Variants in EXD3 observed in about 807,000 individuals in gnomAD.
EXD3 encodes the protein exonuclease mut-7 homolog.
A neutral mutation model predicts 98.0 loss-of-function variants in EXD3; 92 were observed. The ratio of observed to expected loss-of-function variants is 0.94; its 90% CI spans 0.79 to 1.12. The LOEUF (loss-of-function observed/expected upper bound fraction) is 1.12, where lower values mean the gene tolerates loss of function less well. Among genes scored for constraint, EXD3 ranks in the 50% most tolerant of loss-of-function variants. EXD3 has a pLI of 0.00. For missense variants in EXD3, 1,222 were observed against 1,191.6 expected (o/e 1.03, Z -0.38); for synonymous variants, 569 against 526.0 (o/e 1.08, Z -1.12).
chr9:137,414,845 G>C (rs1187013088), intron 1 of EXD3, among the ~76,000 whole-genome samples: 1 of 152,052 alleles, frequency 6.6e-6, no homozygotes, highest in East Asian at 1.9e-4. Flanking sequence ...TAGGTCGCAG[G>C]GTTTCTTTGT....
At chr9:137,412,720 TCA>T (rs1838058281) in intron 1 of EXD3, among the ~76,000 whole-genome samples, 1 of 152,236 alleles carries the variant, frequency 6.6e-6, no homozygotes, top group African/African-American at 2.4e-5. Flanking sequence ...CAGCCTTGAC[TCA>T]CACACTGTGT....
chr9:137,365,496 A>ACAC (rs1434524492), intron 7 of EXD3: 1 of 156,348 alleles, frequency 6.4e-6, no homozygotes, highest in Non-Finnish European at 1.4e-5. Flanking sequence ...TCTCACACAC[A>ACAC]CACACATGCA....
intron 3 of EXD3, among the ~76,000 whole-genome samples, chr9:137,379,973 C>T (rs1250236867): frequency 6.6e-6 from 1 of 152,038 alleles, no homozygotes; most frequent in Non-Finnish European, 1.5e-5. Context: ...GCCCACTGCA[C>T]CCCTGCCAGC....
At chr9:137,310,168 G>A (rs1831286028) in intron 19 of EXD3, among the ~76,000 whole-genome samples, 1 of 152,234 alleles carries the variant, frequency 6.6e-6, no homozygotes, top group Non-Finnish European at 1.5e-5. Context: ...GGCAGGTGTG[G>A]CCCTGAAAGT....
intron 17 of EXD3, among the ~76,000 whole-genome samples, chr9:137,339,891 T>C (rs952237581): frequency 1.3e-5 from 2 of 151,920 alleles, no homozygotes; most frequent in African/African-American, 4.8e-5. Flanking sequence ...TCTTGACTAA[T>C]GAAATAAGAT....
Position 137,366,443 on chromosome 9 carries a change from G to A in EXD3, c.656+50C>T, listed in dbSNP as rs576668799. The A allele has an allele frequency of 7.8e-6, 12 of 1,531,372 alleles. No homozygotes were observed. In the Admixed American group the frequency reaches 1.8e-4, roughly 23 times the overall value. The allele number at this position is 1,531,372 out of a possible 1,614,324, so 94.9% of individuals were successfully genotyped here. A position where few individuals can be genotyped will look rare whatever the true frequency, so the allele number is the denominator to read the frequency against. On this transcript the variant is annotated intron_variant, in intron 7 of 21. Coordinates refer to ENST00000340951, the MANE Select transcript of EXD3 (RefSeq NM_017820.5). ...CCCTACACTCCCTTCCCTAACCAGGGCTCCCAGGATGCCATCTGGTGCCAG... is the reference window on the plus strand; with the variant it reads ...CCCTACACTCCCTTCCCTAACCAGGACTCCCAGGATGCCATCTGGTGCCAG...
At chr9:137,328,670 G>A (rs1832668159) in intron 17 of EXD3, among the ~76,000 whole-genome samples, 2 of 93,898 alleles carry the variant, frequency 2.1e-5, no homozygotes, top group African/African-American at 1.1e-4. Context: ...GACTACACGG[G>A]ACTACACGGG....
Position 137,407,388 on chromosome 9 carries a change from T to G in EXD3, c.-47-11984A>C, listed in dbSNP as rs879455583. Among the ~76,000 whole-genome samples, 38 of 152,330 alleles carry G rather than the reference T, an allele frequency of 2.5e-4. No homozygotes were observed. Among genetic ancestry groups the G allele is most frequent in the Middle Eastern group, 3.4e-3 (1 of 294 alleles). On this transcript the variant is annotated intron_variant, in intron 1 of 21. Coordinates refer to ENST00000340951, the MANE Select transcript of EXD3 (RefSeq NM_017820.5). This position sits in a 1 kb window ranked among gnomAD's most constrained non-coding sequence, Gnocchi z 4.4. Reference sequence around the variant, plus strand: ...TGCTCCCCCGCGAAGCCCACCCACCTGAGGTCCTGGCCCCCAAGGGGCCAT... The same window carrying G: ...TGCTCCCCCGCGAAGCCCACCCACCGGAGGTCCTGGCCCCCAAGGGGCCAT...
intron 7 of EXD3, among the ~76,000 whole-genome samples, chr9:137,359,520 AGAGT>A (rs200969115): frequency 0.12 from 9,600 of 82,638 alleles, 3,876 homozygotes; most frequent in East Asian, 0.76. Flanking sequence ...CCTGGGTAAC[AGAGT>A]GAGACCCTGT....
At chr9:137,374,120 T>C (rs1835779323) in intron 3 of EXD3, among the ~76,000 whole-genome samples, 1 of 152,262 alleles carries the variant, frequency 6.6e-6, no homozygotes, top group Non-Finnish European at 1.5e-5. Flanking sequence ...TACAGCAAGT[T>C]GGCCCTCGCT....
chr9:137,355,709 G>GGAAGT (rs1564509278), intron 8 of EXD3, among the ~76,000 whole-genome samples: 1 of 145,570 alleles, frequency 6.9e-6, no homozygotes, highest in African/African-American at 2.6e-5. Flanking sequence ...AAGGAGGAAG[G>GGAAGT]AGGAAGGAGG....
intron 1 of EXD3, among the ~76,000 whole-genome samples, chr9:137,419,988 T>C (rs1400666422): frequency 2.6e-5 from 4 of 151,896 alleles, no homozygotes; most frequent in African/African-American, 7.3e-5. Context: ...TGAAACCCCA[T>C]CTCTACTAAA....
chr9:137,354,823 C>A (rs533467798), intron 8 of EXD3, 50 bp from the exon 9 acceptor site: 1 of 1,559,066 alleles, frequency 6.4e-7, no homozygotes, highest in Non-Finnish European at 8.7e-7. Flanking sequence ...AGCCTCACCA[C>A]GGCCTCCTTC....
At chr9:137,392,920 G>A (rs1480181202) in intron 2 of EXD3, 3 of 560,476 alleles carry the variant, frequency 5.4e-6, no homozygotes, top group Admixed American at 2.8e-5. Context: ...TCTGGCGGGG[G>A]GCCGTATCTG....
intron 5 of EXD3, among the ~76,000 whole-genome samples, chr9:137,370,067 T>C (rs1210696821): frequency 2.6e-5 from 4 of 152,042 alleles, no homozygotes; most frequent in Admixed American, 2.0e-4. Context: ...AGCTCCACCC[T>C]GGTAAGGGCA....
chr9:137,422,131 A>C (rs74650313), intron 1 of EXD3, among the ~76,000 whole-genome samples: 2 of 150,962 alleles, frequency 1.3e-5, no homozygotes, highest in Non-Finnish European at 2.9e-5. Context: ...AAAAAAAAAA[A>C]AAACTCCCTG....
At chr9:137,315,668 G>C (rs1242937797) in intron 19 of EXD3, among the ~76,000 whole-genome samples, 2 of 152,160 alleles carry the variant, frequency 1.3e-5, no homozygotes, top group African/African-American at 4.8e-5. Flanking sequence ...TTCAGATAAA[G>C]TGCAGGATAC....
At chr9:137,380,311 C>G (rs1332624939) in intron 3 of EXD3, among the ~76,000 whole-genome samples, 2 of 121,440 alleles carry the variant, frequency 1.6e-5, no homozygotes, top group African/African-American at 6.1e-5. Flanking sequence ...CTCTGGGCGT[C>G]CCCCCCAATC....
In EXD3 at chr9:137,371,068, T is replaced by G. The variant is rs1835569890; in HGVS notation, c.462+1837A>C. Among the ~76,000 whole-genome samples the G allele has an allele frequency of 6.6e-6, 1 of 152,186 alleles. No homozygotes were observed. The highest frequency in any genetic ancestry group is 1.9e-4 in the East Asian group (1 of 5,182). On this transcript the variant is annotated intron_variant, in intron 5 of 21. Transcript: ENST00000340951. This position sits in a 1 kb window ranked among gnomAD's most constrained non-coding sequence, Gnocchi z 8.0. ...GCCCCGCTCGGGGACAATGGCTTTC[T>G]TCGCAGAAGGGGCCTGTGCGGGACA...
Sources: gnomAD v4.1 joint callset for allele counts (sites outside exome capture counted in the v4.1 genomes callset) on GRCh38, gnomAD v4.1.1 for gene constraint, Gnocchi (gnomAD v3.1) non-coding constraint, MANE v1.5 for transcripts, NCBI Gene and HGNC (gene_info 2026-07-23, HGNC 2026-07-21) for gene names.